DNAJC12: variants seen among roughly 807,000 people sequenced by gnomAD.
DNAJC12 encodes the protein DnaJ heat shock protein family (Hsp40) member C12.
In DNAJC12, 25 loss-of-function variants were observed where a neutral mutation model predicts 28.5. The ratio of observed to expected loss-of-function variants is 0.88; its 90% CI spans 0.64 to 1.22. The LOEUF is 1.22. Among genes scored for constraint, DNAJC12 ranks in the 50% most tolerant of loss-of-function variants. DNAJC12 has a pLI of 0.00. For synonymous variants in DNAJC12, 77 were observed against 80.6 expected (o/e 0.95, Z 0.24); for missense variants, 222 against 231.7 (o/e 0.96, Z 0.27).
At chr10:67,823,964 G>A (rs752991448) in intron 1 of DNAJC12, among the ~76,000 whole-genome samples, 1 of 151,926 alleles carries the variant, frequency 6.6e-6, no homozygotes, top group African/African-American at 2.4e-5. Context: ...CAGTCCAGAC[G>A]TGGTGGCTCA....
intron 3 of DNAJC12, among the ~76,000 whole-genome samples, chr10:67,810,539 C>T (rs1358769076): frequency 2.0e-5 from 3 of 152,064 alleles, no homozygotes; most frequent in African/African-American, 7.2e-5. Flanking sequence ...AATGCTTTTC[C>T]GTTCCAGAGG....
chr10:67,807,169 G>A (rs1396235638), intron 3 of DNAJC12, among the ~76,000 whole-genome samples: 1 of 151,772 alleles, frequency 6.6e-6, no homozygotes, highest in Non-Finnish European at 1.5e-5. Flanking sequence ...GCTGAGGCAC[G>A]AGAATCACTT....
intron 4 of DNAJC12, among the ~76,000 whole-genome samples, chr10:67,798,959 T>C (rs1267849053): frequency 1.3e-5 from 2 of 152,084 alleles, no homozygotes; most frequent in African/African-American, 4.8e-5. Flanking sequence ...GAATCGGGGT[T>C]TCTCAATGTT....
chr10:67,812,761 AG>A (rs2131798321), intron 2 of DNAJC12, among the ~76,000 whole-genome samples: 1 of 151,342 alleles, frequency 6.6e-6, no homozygotes, highest in African/African-American at 2.4e-5. Flanking sequence ...GCTGAGGCAG[AG>A]AATTGCTTGA....
intron 1 of DNAJC12, among the ~76,000 whole-genome samples, chr10:67,828,668 C>A (rs1440979607): frequency 1.3e-5 from 2 of 151,162 alleles, no homozygotes; most frequent in African/African-American, 4.9e-5. Flanking sequence ...CTCTCTCTCT[C>A]TCTCTCTATA....
chr10:67,802,668 A>G (rs922276709), intron 4 of DNAJC12, among the ~76,000 whole-genome samples: 3 of 152,148 alleles, frequency 2.0e-5, no homozygotes, highest in Admixed American at 1.3e-4. Flanking sequence ...TGACTTTGAC[A>G]TAACATATAT....
intron 2 of DNAJC12, among the ~76,000 whole-genome samples, chr10:67,819,652 G>A (rs558507937): frequency 3.8e-4 from 50 of 130,518 alleles, no homozygotes; most frequent in Middle Eastern, 3.7e-3. Context: ...AAGAAAGAAA[G>A]AAAGAAAGAG....
intron 1 of DNAJC12, among the ~76,000 whole-genome samples, chr10:67,825,887 G>A (rs1842024770): frequency 6.6e-6 from 1 of 152,066 alleles, no homozygotes; most frequent in South Asian, 2.1e-4. Context: ...TTAACCATCA[G>A]TCACCATAAC....
At chr10:67,831,370 T>C (rs1350548005) in intron 1 of DNAJC12, among the ~76,000 whole-genome samples, 3 of 152,210 alleles carry the variant, frequency 2.0e-5, no homozygotes, top group Non-Finnish European at 4.4e-5. Context: ...ATTGAACATA[T>C]ATTAATTTTA....
At chr10:67,806,226 G>A (rs1841799355) in intron 3 of DNAJC12, among the ~76,000 whole-genome samples, 1 of 152,186 alleles carries the variant, frequency 6.6e-6, no homozygotes, top group South Asian at 2.1e-4. Flanking sequence ...ATTGTGGGAA[G>A]CTATTCCTGA....
At chr10:67,807,592 T>C (rs1185012647) in intron 3 of DNAJC12, among the ~76,000 whole-genome samples, 1 of 152,174 alleles carries the variant, frequency 6.6e-6, no homozygotes, top group African/African-American at 2.4e-5. Flanking sequence ...TGACTTCCTC[T>C]GCAGAGGGAA....
intron 2 of DNAJC12, among the ~76,000 whole-genome samples, chr10:67,817,322 T>C (rs1841926011): frequency 6.6e-6 from 1 of 152,200 alleles, no homozygotes; most frequent in South Asian, 2.1e-4. Flanking sequence ...TCAACTAGAC[T>C]GTAAGTGGAA....
At chr10:67,815,365 G>A (rs1275748616) in intron 2 of DNAJC12, among the ~76,000 whole-genome samples, 1 of 151,906 alleles carries the variant, frequency 6.6e-6, no homozygotes, top group Non-Finnish European at 1.5e-5. Context: ...AAAATTAGCT[G>A]GGCGTGGTGG....
chr10:67,806,037 A>C (rs1841797319), intron 3 of DNAJC12, among the ~76,000 whole-genome samples: 1 of 152,192 alleles, frequency 6.6e-6, no homozygotes, highest in Non-Finnish European at 1.5e-5. Flanking sequence ...ATTTCCTATT[A>C]GATCTAAAAA....
At chr10:67,824,900 AT>A (rs1364598629) in intron 1 of DNAJC12, among the ~76,000 whole-genome samples, 1 of 151,650 alleles carries the variant, frequency 6.6e-6, no homozygotes, top group African/African-American at 2.4e-5. Context: ...CGCCTGGCTA[AT>A]TTTTGTATTT....
At chr10:67,825,117 T>C (rs915985302) in intron 1 of DNAJC12, among the ~76,000 whole-genome samples, 3 of 152,186 alleles carry the variant, frequency 2.0e-5, no homozygotes, top group Non-Finnish European at 4.4e-5. Context: ...TTTACTCATC[T>C]TTACATCAGA....
At chr10:67,831,645 T>G (rs1476268891) in intron 1 of DNAJC12, among the ~76,000 whole-genome samples, 1 of 152,228 alleles carries the variant, frequency 6.6e-6, no homozygotes, top group Non-Finnish European at 1.5e-5. Context: ...CTGCTGCACT[T>G]ATAGACAGTA....
rs1045088244 is a variant in DNAJC12 at position 67,807,343 on chromosome 10, C to T, written c.298-1556G>A. Among the ~76,000 whole-genome samples the T allele has an allele frequency of 3.9e-5, 6 of 151,972 alleles. No individual in the cohort carries two copies. In the East Asian group the frequency reaches 1.2e-3, roughly 29 times the overall value. On this transcript the variant is annotated intron_variant, in intron 3 of 4. Transcript: ENST00000225171. ...ATACAAGGTGGGAGATTCCTGGTGC[C>T]AACAATATGTGTGGGAAGGGAATAG...
intron 1 of DNAJC12, chr10:67,833,788 G>A: frequency 2.0e-6 from 1 of 494,476 alleles, no homozygotes; most frequent in Admixed American, 2.2e-5. Context: ...GTAGCAGTTG[G>A]ACTGACCATT....
Sources: gnomAD v4.1 joint callset for allele counts (sites outside exome capture counted in the v4.1 genomes callset) on GRCh38, gnomAD v4.1.1 for gene constraint, MANE v1.5 for transcripts, NCBI Gene and HGNC (gene_info 2026-07-23, HGNC 2026-07-21) for gene names.